Variants in TTC28 observed in about 807,000 individuals in gnomAD.
TTC28 encodes the protein tetratricopeptide repeat domain 28.
TTC28 carries 61 observed loss-of-function variants against 198.0 expected under a neutral mutation model. The observed-to-expected ratio is 0.31, with a 90% CI of 0.25 to 0.38. The LOEUF (loss-of-function observed/expected upper bound fraction) is 0.38, where lower values mean the gene tolerates loss of function less well. Ranked by LOEUF, TTC28 falls within the 10% of genes least tolerant of loss-of-function variation. TTC28 has a pLI of 1.00. For missense variants in TTC28, 2,678 were observed against 3,164.0 expected (o/e 0.85, Z 3.69); for synonymous variants, 1,171 against 1,297.8 (o/e 0.90, Z 2.10).
At chr22:28,099,276 CA>C (rs1302092779) in intron 9 of TTC28, among the ~76,000 whole-genome samples, 1 of 152,244 alleles carries the variant, frequency 6.6e-6, no homozygotes, top group African/African-American at 2.4e-5. Context: ...AGCACAGGCT[CA>C]CAACTCCACT....
At chr22:28,644,670 C>T (rs2051426175) in intron 1 of TTC28, among the ~76,000 whole-genome samples, 1 of 151,542 alleles carries the variant, frequency 6.6e-6, no homozygotes, top group African/African-American at 2.4e-5. Context: ...ACTAAAAATA[C>T]AAAAATTAGC....
intron 2 of TTC28, among the ~76,000 whole-genome samples, chr22:28,505,447 C>T (rs2048598571): frequency 6.6e-6 from 1 of 151,992 alleles, no homozygotes; most frequent in Non-Finnish European, 1.5e-5. Flanking sequence ...CCAAGGAGGA[C>T]CACAGAAAGC....
chr22:28,215,723 C>G (rs1927339349), intron 5 of TTC28, among the ~76,000 whole-genome samples: 1 of 152,060 alleles, frequency 6.6e-6, no homozygotes, highest in South Asian at 2.1e-4. Context: ...TTCTATCGCT[C>G]ATATGCAAAA....
intron 5 of TTC28, among the ~76,000 whole-genome samples, chr22:28,286,357 T>C (rs1010719773): frequency 6.6e-6 from 1 of 152,216 alleles, no homozygotes; most frequent in Non-Finnish European, 1.5e-5. Context: ...TAATCCAACG[T>C]AGCCAAAATA....
At chr22:27,992,761 G>A (rs536299805) in intron 18 of TTC28, 98 bp from the exon 19 acceptor site, 161 of 1,223,014 alleles carry the variant, frequency 1.3e-4, no homozygotes, top group Middle Eastern at 1.9e-4. Flanking sequence ...CCTTGGCATC[G>A]GTGGCATTTT....
intron 5 of TTC28, among the ~76,000 whole-genome samples, chr22:28,211,352 G>A (rs1405919362): frequency 6.6e-6 from 1 of 152,096 alleles, no homozygotes; most frequent in Non-Finnish European, 1.5e-5. Flanking sequence ...TGGATAAAGA[G>A]TCAAGACCCA....
chr22:28,037,135 G>C (rs1939391995), intron 12 of TTC28, among the ~76,000 whole-genome samples: 1 of 152,112 alleles, frequency 6.6e-6, no homozygotes, highest in South Asian at 2.1e-4. Context: ...CCAATCAATA[G>C]AAAAAGAGGG....
intron 2 of TTC28, among the ~76,000 whole-genome samples, chr22:28,512,864 C>G (rs144423462): frequency 6.6e-6 from 1 of 151,866 alleles, no homozygotes; most frequent in South Asian, 2.1e-4. Context: ...AGAACCACGG[C>G]GCATTTTTAC....
At chr22:28,546,650 C>T (rs2049548610) in intron 2 of TTC28, among the ~76,000 whole-genome samples, 1 of 152,102 alleles carries the variant, frequency 6.6e-6, no homozygotes. Context: ...AACTCATTTA[C>T]ACAGAGACTT....
chr22:28,566,881 C>T (rs921389641), intron 2 of TTC28, among the ~76,000 whole-genome samples: 5 of 151,924 alleles, frequency 3.3e-5, no homozygotes, highest in Non-Finnish European at 5.9e-5. Flanking sequence ...CCCAGGAGTT[C>T]GAGACCAGCC....
At chr22:28,491,675 G>C (rs1158822632) in intron 2 of TTC28, among the ~76,000 whole-genome samples, 3 of 152,192 alleles carry the variant, frequency 2.0e-5, no homozygotes, top group African/African-American at 7.2e-5. Context: ...CTGTAAACTA[G>C]TTCAACCATT....
chr22:28,477,218 A>G (rs2048179841), intron 2 of TTC28, among the ~76,000 whole-genome samples: 1 of 152,188 alleles, frequency 6.6e-6, no homozygotes, highest in African/African-American at 2.4e-5. Context: ...ACATTTCTCA[A>G]AACTCATCTG....
At chr22:28,568,126 A>G (rs2050008668) in intron 2 of TTC28, among the ~76,000 whole-genome samples, 1 of 152,212 alleles carries the variant, frequency 6.6e-6, no homozygotes, top group Non-Finnish European at 1.5e-5. Context: ...TCAGAGTAAT[A>G]CTAATATAAA....
intron 5 of TTC28, among the ~76,000 whole-genome samples, chr22:28,295,841 A>T (rs2044883719): frequency 2.0e-5 from 3 of 152,212 alleles, no homozygotes. Context: ...TATCTGATCT[A>T]AAAAAACCAA....
At chr22:28,377,616 G>A (rs575726387) in intron 2 of TTC28, among the ~76,000 whole-genome samples, 2 of 152,168 alleles carry the variant, frequency 1.3e-5, no homozygotes, top group Admixed American at 1.3e-4. Flanking sequence ...ACTCTTCCCA[G>A]TATTCCCTCA....
At chr22:28,509,191 CAAAA>C (rs796909640) in intron 2 of TTC28, among the ~76,000 whole-genome samples, 4 of 96,660 alleles carry the variant, frequency 4.1e-5, no homozygotes, top group African/African-American at 7.4e-5. Flanking sequence ...ATTCTGCCTT[CAAAA>C]AAAAAAAAAA....
Position 28,627,959 on chromosome 22 carries a change from G to A in TTC28, c.381+1593C>T, listed in dbSNP as rs76434002. Among the ~76,000 whole-genome samples the A allele has an allele frequency of 7.1e-3, 1,082 of 152,224 alleles. 29 individuals carry two copies. The East Asian group carries it at 0.072, about 10-fold the overall frequency. On this transcript the variant is annotated intron_variant, in intron 2 of 22. Transcript: ENST00000397906. ...CTCATCCTGTTGCCCAGGCCAGAGT[G>A]CAGTGATGCAATCATGACTCACTGC...
At chr22:28,409,360 A>C (rs1335331489) in intron 2 of TTC28, among the ~76,000 whole-genome samples, 1 of 152,148 alleles carries the variant, frequency 6.6e-6, no homozygotes, top group Non-Finnish European at 1.5e-5. Context: ...TCCAGAGCTG[A>C]CTATGTCTAT....
At chr22:28,624,452 A>G (rs765709766) in intron 2 of TTC28, among the ~76,000 whole-genome samples, 17 of 152,190 alleles carry the variant, frequency 1.1e-4, no homozygotes, top group Non-Finnish European at 2.1e-4. Flanking sequence ...TAATAAAGGA[A>G]TATTAACAAC....
Sources: allele counts gnomAD v4.1 joint callset (sites outside exome capture counted in the v4.1 genomes callset), GRCh38; gene constraint gnomAD v4.1.1; transcripts MANE v1.5; gene names NCBI Gene and HGNC (gene_info 2026-07-23, HGNC 2026-07-21).